Variants in ITGB8 observed in about 807,000 individuals in gnomAD.
ITGB8 encodes the protein integrin subunit beta 8, also known as integrin beta-8.
A neutral mutation model predicts 89.5 loss-of-function variants in ITGB8; 30 were observed. That is an observed-to-expected ratio of 0.34 (90% CI 0.25 to 0.45). ITGB8 has a LOEUF of 0.45. ITGB8 is among the 20% of genes least tolerant of loss of function. ITGB8 has a pLI of 1.00. For synonymous variants in ITGB8, 335 were observed against 320.4 expected (o/e 1.05, Z -0.49); for missense variants, 836 against 933.3 (o/e 0.90, Z 1.36).
intron 1 of ITGB8, among the ~76,000 whole-genome samples, chr7:20,358,006 C>T (rs1238852346): frequency 6.6e-6 from 1 of 152,128 alleles, no homozygotes; most frequent in African/African-American, 2.4e-5. Flanking sequence ...CGCTCTGTTG[C>T]TCAGGCTGGA....
At chr7:20,396,487 T>A (rs1403100911) in intron 8 of ITGB8, among the ~76,000 whole-genome samples, 3 of 151,628 alleles carry the variant, frequency 2.0e-5, no homozygotes, top group African/African-American at 7.3e-5. Context: ...AAAAGGAAAA[T>A]AAATCTTGCT....
chr7:20,358,456 C>G (rs1785377595), intron 1 of ITGB8, among the ~76,000 whole-genome samples: 1 of 150,534 alleles, frequency 6.6e-6, no homozygotes, highest in South Asian at 2.1e-4. Context: ...TGTCAACTTT[C>G]TAACCCTTTT....
rs765588213 is a variant in ITGB8, at chr7:20,331,828, T to G, written c.22T>G (p.Phe8Val). The G allele has an allele frequency of 6.2e-7, 1 of 1,613,370 alleles. No individual in the cohort carries two copies. The highest frequency in any genetic ancestry group is 1.7e-5 in the Admixed American group (1 of 60,034). The part of the protein sequence containing the change: MCGSALA[F>V]FTAAFVCLQN... The stretch of plus-strand genomic sequence containing the variant: ...CATTATGTGCGGCTCGGCCCTGGCT[T>G]TTTTTACCGCTGCATTTGTCTGCCT... The change falls in exon 1 of 14, where the codon TTT becomes GTT. Residue 8 changes from phenylalanine to valine, a missense_variant. Phe to Val is a conservative substitution (Grantham distance 50). Transcript: ENST00000222573.
intron 9 of ITGB8, among the ~76,000 whole-genome samples, chr7:20,401,323 G>T (rs78221022): frequency 0.02 from 3,052 of 152,094 alleles, 113 homozygotes; most frequent in African/African-American, 0.07. Flanking sequence ...CCTTTACTTT[G>T]GTTTATGTGA....
rs117492087 is a variant in ITGB8, at chr7:20,398,220, T to C, written c.1147-640T>C. Reference sequence around the variant, plus strand: ...AGAGGACCTATTTTGGTATTAAGGATTGCAGCAAGCTTGACTGACACAAAC... The same window carrying C: ...AGAGGACCTATTTTGGTATTAAGGACTGCAGCAAGCTTGACTGACACAAAC... On this transcript the variant is annotated intron_variant, in intron 8 of 13. Transcript: ENST00000222573. Among the ~76,000 whole-genome samples the C allele has an allele frequency of 8.0e-3, 1,226 of 152,308 alleles. 9 individuals are homozygous for C. The highest frequency in any genetic ancestry group is 0.013 in the Non-Finnish European group (896 of 68,026).
intron 7 of ITGB8, among the ~76,000 whole-genome samples, chr7:20,394,254 C>T (rs1157105257): frequency 6.6e-6 from 1 of 152,140 alleles, no homozygotes; most frequent in Admixed American, 6.5e-5. Flanking sequence ...GTCAGATTGG[C>T]TTTTTTCTAT....
In ITGB8 at chr7:20,332,032, C is replaced by A; in HGVS notation, c.127+99C>A. 2.0e-6 allele frequency: 3 copies of A among 1,512,876 alleles called. No individual in the cohort carries two copies. In the South Asian group the frequency reaches 3.8e-5, roughly 19 times the overall value. The allele number at this position is 1,512,876 out of a possible 1,614,324, so 93.7% of individuals were successfully genotyped here. On this transcript the variant is annotated intron_variant, in intron 1 of 13. Coordinates refer to ENST00000222573, the MANE Select transcript of ITGB8 (RefSeq NM_002214.3). ...CAGAGCATCCCGGCCAGGTAAGTTG[C>A]GGTCATCAGAGAACTTCAAGGGGGC...
chr7:20,335,854 G>A (rs1784554711), intron 1 of ITGB8, among the ~76,000 whole-genome samples: 1 of 152,060 alleles, frequency 6.6e-6, no homozygotes, highest in South Asian at 2.1e-4. Flanking sequence ...CTTGGAAACA[G>A]TTTTGTTGGC....
intron 2 of ITGB8, chr7:20,366,156 T>C (rs1461593445): frequency 1.3e-5 from 2 of 152,218 alleles, no homozygotes; most frequent in Non-Finnish European, 1.5e-5. Context: ...TAATGCCCCA[T>C]GTTCCTTTCT....
chr7:20,331,839 T>C lies in ITGB8; in HGVS notation c.33T>C (p.Ala11=), dbSNP rs763707767. MCGSALAFFT[A]AFVCLQNDRR... ...GCTCGGCCCTGGCTTTTTTTACCGC[T>C]GCATTTGTCTGCCTGCAAAACGACC... The change falls in exon 1 of 14, where the codon GCT becomes GCC. Residue 11 remains alanine (A), a synonymous_variant. Transcript: ENST00000222573. 1.2e-6 allele frequency: 2 copies of C among 1,613,660 alleles called. No individual in the cohort carries two copies. The highest frequency in any genetic ancestry group is 1.7e-6 in the Non-Finnish European group (2 of 1,180,016).
At chr7:20,336,388 A>G (rs973625453) in intron 1 of ITGB8, among the ~76,000 whole-genome samples, 1 of 152,152 alleles carries the variant, frequency 6.6e-6, no homozygotes, top group African/African-American at 2.4e-5. Flanking sequence ...GGTGCAGCAA[A>G]TTGTGTAAAC....
chr7:20,388,375 G>C (rs1037848126), intron 6 of ITGB8, among the ~76,000 whole-genome samples: 1 of 152,208 alleles, frequency 6.6e-6, no homozygotes, highest in South Asian at 2.1e-4. Context: ...GGCTGAGAGG[G>C]AGCGTGTCTC....
intron 10 of ITGB8, among the ~76,000 whole-genome samples, chr7:20,402,473 C>A (rs1238061865): frequency 6.6e-6 from 1 of 152,172 alleles, no homozygotes; most frequent in Admixed American, 6.5e-5. Flanking sequence ...CTAGAAGGAT[C>A]TGATTCATTC....
chr7:20,415,707 TAATC>T lies in ITGB8; in HGVS notation c.*5714_*5717del, dbSNP rs1440998702. ...CATCATTCTGTTTAGTAGTAGGTGTTAATCAATATGAAATTCTCTGTTTTAAAAT... is the reference window on the plus strand; with the variant it reads ...CATCATTCTGTTTAGTAGTAGGTGTTAATATGAAATTCTCTGTTTTAAAAT... On this transcript the variant is annotated 3_prime_UTR_variant, in exon 14 of 14. Transcript: ENST00000222573. 6.6e-6 allele frequency: 1 copy of T among 152,552 alleles called. No individual in the cohort carries two copies. The highest frequency in any genetic ancestry group is 2.4e-5 in the African/African-American group (1 of 41,452). The allele number at this position is 152,552 out of a possible 1,614,324, so 9.4% of individuals were successfully genotyped here.
In ITGB8 at chr7:20,413,591, C is replaced by G. The variant is rs1173094668; in HGVS notation, c.*3594C>G. ...TTCCTAAAGCTTCAAGCTTAATAAG[C>G]CTAATAGTGAAAAATAACTGAATTT... is the stretch of plus-strand genomic sequence containing the variant. On this transcript the variant is annotated 3_prime_UTR_variant, in exon 14 of 14. Coordinates refer to ENST00000222573, the MANE Select transcript of ITGB8 (RefSeq NM_002214.3). 4 of 152,168 alleles carry G rather than the reference C, an allele frequency of 2.6e-5. No homozygotes were observed. The East Asian group carries it at 7.7e-4, about 29-fold the overall frequency. 9.4% of individuals were successfully genotyped at this position (152,168 alleles called of 1,614,324 possible). A position where few individuals can be genotyped will look rare whatever the true frequency, so the allele number is the denominator to read the frequency against.
Position 20,349,803 on chromosome 7 carries a change from G to C in ITGB8, c.128-13834G>C, listed in dbSNP as rs182853557. 2.3e-3 allele frequency among the ~76,000 whole-genome samples: 346 copies of C among 152,260 alleles called. 3 individuals are homozygous for C. The highest frequency in any genetic ancestry group is 3.3e-3 in the Non-Finnish European group (227 of 68,010). On this transcript the variant is annotated intron_variant, in intron 1 of 13. Coordinates refer to ENST00000222573, the MANE Select transcript of ITGB8 (RefSeq NM_002214.3). ...AAATATATTCCTTCATTGTGCACTGGTTGTCTTTTTCTAACAAATATTCCA... is the reference window on the plus strand; with the variant it reads ...AAATATATTCCTTCATTGTGCACTGCTTGTCTTTTTCTAACAAATATTCCA...
At chr7:20,356,169 T>C (rs1460983072) in intron 1 of ITGB8, among the ~76,000 whole-genome samples, 3 of 152,210 alleles carry the variant, frequency 2.0e-5, no homozygotes, top group Non-Finnish European at 4.4e-5. Flanking sequence ...TCCTGTACCT[T>C]ATTTTCAAAG....
At chr7:20,383,847 C>T (rs1483127703) in intron 6 of ITGB8, among the ~76,000 whole-genome samples, 1 of 152,070 alleles carries the variant, frequency 6.6e-6, no homozygotes, top group African/African-American at 2.4e-5. Flanking sequence ...AAAGGAGTGA[C>T]CCTTCCACAT....
rs1362308512 is a variant in ITGB8 at position 20,330,903 on chromosome 7, G to A, written c.-904G>A. On this transcript the variant is annotated 5_prime_UTR_variant, in exon 1 of 14. Transcript: ENST00000222573. ...GCATCCTAGCCGTGTGCACCCCAGA[G>A]CGCGCCAGCAACTCGGGCTCTGGAC... The A allele has an allele frequency of 1.3e-5, 2 of 152,488 alleles. No individual in the cohort carries two copies. Among genetic ancestry groups the A allele is most frequent in the African/African-American group, 4.8e-5 (2 of 41,474 alleles). 9.4% of individuals were successfully genotyped at this position (152,488 alleles called of 1,614,324 possible).
Sources: gnomAD v4.1 joint callset for allele counts (sites outside exome capture counted in the v4.1 genomes callset) on GRCh38, gnomAD v4.1.1 for gene constraint, MANE v1.5 for transcripts, NCBI Gene and HGNC (gene_info 2026-07-23, HGNC 2026-07-21) for gene names.